Variants in CD38 observed in about 807,000 individuals in gnomAD.
CD38 encodes CD38 molecule, also known as ADP-ribosyl cyclase/cyclic ADP-ribose hydrolase 1.
Under a neutral mutation model 36.3 loss-of-function variants are expected in CD38, and 31 were observed. The ratio of observed to expected loss-of-function variants is 0.85; its 90% CI spans 0.64 to 1.15. The LOEUF (loss-of-function observed/expected upper bound fraction) is 1.15. Ranked by LOEUF, CD38 falls within the 50% of genes most tolerant of loss-of-function variation. CD38 has a pLI of 0.00. For synonymous variants in CD38, 131 were observed against 135.2 expected (o/e 0.97, Z 0.22); for missense variants, 380 against 371.9 (o/e 1.02, Z -0.18).
chr4:15,801,309 CA>C (rs1337172568), intron 1 of CD38, among the ~76,000 whole-genome samples: 34 of 151,152 alleles, frequency 2.2e-4, no homozygotes, highest in African/African-American at 8.0e-4. Context: ...AAAAGTTTCC[CA>C]ATTAAAAAAA....
At chr4:15,804,295 G>A (rs1171383465) in intron 1 of CD38, among the ~76,000 whole-genome samples, 3 of 152,180 alleles carry the variant, frequency 2.0e-5, no homozygotes, top group Admixed American at 6.5e-5. Flanking sequence ...GTGTATAAGC[G>A]ACAAAGAAAA....
chr4:15,848,528 T>C lies in CD38; in HGVS notation c.840-11T>C. On this transcript the variant is annotated splice_polypyrimidine_tract_variant and intron_variant, in intron 7 of 7. Transcript: ENST00000226279. The stretch of plus-strand genomic sequence containing the variant: ...GGTCTCTTGATTTCCTTTTTTGCTT[T>C]CTTGTCATAGACCTGACAAGTTTCT... 1 of 1,609,104 alleles carries C rather than the reference T, an allele frequency of 6.2e-7. No homozygotes were observed. The highest frequency in any genetic ancestry group is 1.3e-5 in the African/African-American group (1 of 74,960).
Position 15,778,865 on chromosome 4 carries a change from G to GGA in CD38, c.233+219_233+220insAG, listed in dbSNP as rs1722624027. On this transcript the variant is annotated intron_variant, in intron 1 of 7. Coordinates refer to ENST00000226279, the MANE Select transcript of CD38 (RefSeq NM_001775.4). The surrounding 1 kb of genome is among the most constrained non-coding windows in gnomAD (Gnocchi z 4.9). ...CACCGAGCGTGCCCGCGGGAGGCGGGGGGGGGCGCTGCTCGGTGGCTCTGC... is the reference window on the plus strand; with the variant it reads ...CACCGAGCGTGCCCGCGGGAGGCGGGGAGGGGGGCGCTGCTCGGTGGCTCTGC... 2.0e-5 allele frequency among the ~76,000 whole-genome samples: 3 copies of GGA among 152,092 alleles called. No homozygotes were observed. The South Asian group carries it at 6.2e-4, about 32-fold the overall frequency.
At chr4:15,798,247 C>A (rs1723143248) in intron 1 of CD38, among the ~76,000 whole-genome samples, 1 of 152,122 alleles carries the variant, frequency 6.6e-6, no homozygotes, top group African/African-American at 2.4e-5. Flanking sequence ...GTGGGGTGGT[C>A]ATAGGATCGG....
chr4:15,832,380 CCTGTTTGTA>C (rs59024362), intron 3 of CD38, among the ~76,000 whole-genome samples: 2,906 of 152,142 alleles, frequency 0.019, 87 homozygotes, highest in African/African-American at 0.067. Context: ...ACAACCTGGG[CCTGTTTGTA>C]CTTGTCCTTG....
intron 3 of CD38, among the ~76,000 whole-genome samples, chr4:15,829,521 T>A (rs1295460533): frequency 6.6e-6 from 1 of 152,218 alleles, no homozygotes; most frequent in Non-Finnish European, 1.5e-5. Context: ...AAAAATCTCC[T>A]AATTTCTAAG....
intron 3 of CD38, 195 bp downstream of exon 3, chr4:15,825,211 T>A (rs1404613401): frequency 1.5e-5 from 8 of 546,596 alleles, no homozygotes; most frequent in Non-Finnish European, 1.9e-5. Context: ...AGAAAAGAGG[T>A]TTATTTGACT....
chr4:15,838,130 C>T lies in CD38; in HGVS notation c.624C>T (p.Leu208=), dbSNP rs757808810. Residue 208 remains leucine (L), a synonymous_variant, in exon 5 of 8, where the codon CTC becomes CTT. Coordinates refer to ENST00000226279, the MANE Select transcript of CD38 (RefSeq NM_001775.4). ...EAACDVVHVM[L]NGSRSKIFDK... ...CCTGTGATGTGGTCCATGTGATGCT[C>T]AATGGATCCCGCAGTAAAATCTTTG... 1.2e-6 allele frequency: 2 copies of T among 1,613,462 alleles called. No individual in the cohort carries two copies. The highest frequency in any genetic ancestry group is 1.7e-5 in the Admixed American group (1 of 59,968).
At chr4:15,779,106 G>A (rs114058073) in intron 1 of CD38, among the ~76,000 whole-genome samples, 2,304 of 152,314 alleles carry the variant, frequency 0.015, 58 homozygotes, top group African/African-American at 0.053. Flanking sequence ...GCCCCCGGAC[G>A]GTTACAGAGG....
chr4:15,833,617 T>C (rs1724003555), intron 3 of CD38, among the ~76,000 whole-genome samples: 1 of 152,230 alleles, frequency 6.6e-6, no homozygotes, highest in African/African-American at 2.4e-5. Context: ...ATCTAATTTT[T>C]CTATTTTATC....
At chr4:15,823,813 G>A (rs928801546) in intron 2 of CD38, among the ~76,000 whole-genome samples, 1 of 152,164 alleles carries the variant, frequency 6.6e-6, no homozygotes, top group South Asian at 2.1e-4. Context: ...CCATTACTGG[G>A]TATAATAGAA....
intron 1 of CD38, among the ~76,000 whole-genome samples, chr4:15,800,196 G>T (rs780081197): frequency 1.3e-5 from 2 of 152,058 alleles, no homozygotes; most frequent in African/African-American, 2.4e-5. Flanking sequence ...TCAGCCAAAA[G>T]CTCCTCACAG....
In CD38 at chr4:15,778,735, G is replaced by T; in HGVS notation, c.233+88G>T. ...GAAGCCGCCCGGATCGCCCGGAACC[G>T]GGCATCTTCCGTGGCGGGTCAGCCG... is the stretch of plus-strand genomic sequence containing the variant. On this transcript the variant is annotated intron_variant, in intron 1 of 7. Transcript: ENST00000226279. This position sits in a 1 kb window ranked among gnomAD's most constrained non-coding sequence, Gnocchi z 4.9. 1 of 942,290 alleles carries T rather than the reference G, an allele frequency of 1.1e-6. No homozygotes were observed. Among genetic ancestry groups the T allele is most frequent in the Non-Finnish European group, 1.6e-6 (1 of 619,410 alleles). 58.4% of individuals were successfully genotyped at this position (942,290 alleles called of 1,614,324 possible).
chr4:15,781,764 T>TA (rs1199666924), intron 1 of CD38, among the ~76,000 whole-genome samples: 1 of 152,234 alleles, frequency 6.6e-6, no homozygotes, highest in Admixed American at 6.5e-5. Context: ...AATTGCCACT[T>TA]AAAATTAATC....
At chr4:15,786,512 T>G (rs1722835425) in intron 1 of CD38, among the ~76,000 whole-genome samples, 1 of 152,182 alleles carries the variant, frequency 6.6e-6, no homozygotes. Context: ...GAGCACTGAT[T>G]GGTGCATTTA....
intron 3 of CD38, among the ~76,000 whole-genome samples, chr4:15,830,027 A>G (rs1215505555): frequency 6.6e-6 from 1 of 152,154 alleles, no homozygotes; most frequent in Non-Finnish European, 1.5e-5. Flanking sequence ...TATCTTGGCT[A>G]TTGTGAACAG....
chr4:15,827,205 C>T (rs1200711920), intron 3 of CD38, among the ~76,000 whole-genome samples: 1 of 152,086 alleles, frequency 6.6e-6, no homozygotes, highest in African/African-American at 2.4e-5. Flanking sequence ...CAAAGTTTCT[C>T]AGACTAACTT....
intron 1 of CD38, among the ~76,000 whole-genome samples, chr4:15,808,641 T>C (rs1024638375): frequency 1.3e-5 from 2 of 152,228 alleles, no homozygotes; most frequent in Non-Finnish European, 2.9e-5. Context: ...TGATTTCTCC[T>C]AGTGTTTTTT....
chr4:15,785,436 G>A (rs1030387264), intron 1 of CD38, among the ~76,000 whole-genome samples: 1 of 152,132 alleles, frequency 6.6e-6, no homozygotes, highest in Non-Finnish European at 1.5e-5. Flanking sequence ...TTCCCAGCAA[G>A]GTCAGTGGAA....
Sources: allele counts gnomAD v4.1 joint callset (sites outside exome capture counted in the v4.1 genomes callset), GRCh38; gene constraint gnomAD v4.1.1; non-coding constraint Gnocchi (gnomAD v3.1); transcripts MANE v1.5; gene names NCBI Gene and HGNC (gene_info 2026-07-23, HGNC 2026-07-21).